Variants in MCCC1 observed in about 807,000 individuals in gnomAD.
MCCC1 encodes the protein methylcrotonyl-CoA carboxylase subunit 1.
MCCC1 carries 64 observed loss-of-function variants against 83.8 expected under a neutral mutation model. The ratio of observed to expected loss-of-function variants is 0.76; its 90% CI spans 0.62 to 0.94. The LOEUF (loss-of-function observed/expected upper bound fraction) is 0.94. Ranked by LOEUF, MCCC1 falls within the 40% of genes least tolerant of loss-of-function variation. The pLI is 0.00. For synonymous variants in MCCC1, 322 were observed against 315.4 expected (o/e 1.02, Z -0.22); for missense variants, 807 against 904.7 (o/e 0.89, Z 1.39).
rs766095348 is a variant in MCCC1 at position 183,071,022 on chromosome 3, G to T, written c.738C>A (p.Ile246=). The T allele has an allele frequency of 3.1e-6, 5 of 1,614,010 alleles. No individual in the cohort carries two copies. The highest frequency in any genetic ancestry group is 4.2e-6 in the Non-Finnish European group (5 of 1,179,984). Reference sequence around the variant, plus strand: ...ACCTCGGTGTGTCTACAAACTTCTCGATCAGCATAGCATCATCATTGAAAG... The same window carrying T: ...ACCTCGGTGTGTCTACAAACTTCTCTATCAGCATAGCATCATCATTGAAAG... The part of the protein sequence containing the change: ...KKSFNDDAML[I]EKFVDTPRHV... The change falls in exon 7 of 19, where the codon ATC becomes ATA. Residue 246 remains isoleucine (I), a synonymous_variant. Coordinates refer to ENST00000265594, the MANE Select transcript of MCCC1 (RefSeq NM_020166.5).
intron 9 of MCCC1, among the ~76,000 whole-genome samples, 200 bp from the exon 10 acceptor site, chr3:183,045,740 G>A (rs541388193): frequency 2.6e-5 from 4 of 152,260 alleles, no homozygotes; most frequent in South Asian, 2.1e-4. Flanking sequence ...ATTTGGCAAC[G>A]GAAAAGTATA....
At position 183,064,368 on chromosome 3, in the gene MCCC1, C is replaced by A. The variant is rs1425703659; in HGVS notation, c.761+6631G>T. Among the ~76,000 whole-genome samples the A allele has an allele frequency of 3.3e-5, 5 of 152,042 alleles. No homozygotes were observed. Among genetic ancestry groups the A allele is most frequent in the African/African-American group, 1.2e-4 (5 of 41,398 alleles). ...ATCATTGTTTTTAGTTGGTAGACAT[C>A]GACAAGTAGGAAAATTTGCGAGGTC... On this transcript the variant is annotated intron_variant, in intron 7 of 18. Coordinates refer to ENST00000265594, the MANE Select transcript of MCCC1 (RefSeq NM_020166.5). This position sits in a 1 kb window ranked among gnomAD's most constrained non-coding sequence, Gnocchi z 4.5.
intron 5 of MCCC1, among the ~76,000 whole-genome samples, 170 bp from the exon 6 acceptor site, chr3:183,071,527 T>G (rs1041737384): frequency 2.0e-5 from 3 of 152,216 alleles, no homozygotes; most frequent in Non-Finnish European, 4.4e-5. Context: ...TTAGTTTCCC[T>G]CATTTCATGT....
intron 4 of MCCC1, among the ~76,000 whole-genome samples, chr3:183,073,661 A>G (rs1220908857): frequency 6.6e-6 from 1 of 152,270 alleles, no homozygotes; most frequent in African/African-American, 2.4e-5. Flanking sequence ...TTTGAGGTGC[A>G]ACAGGAAAAT....
In MCCC1 at chr3:183,017,293, G is replaced by A; in HGVS notation, c.2022C>T (p.Leu674=). ...CCATCTTCATGGCGATCATAACCATGAGGGAATCTCCCGCTTTCACTTTGT... is the reference window on the plus strand; with the variant it reads ...CCATCTTCATGGCGATCATAACCATAAGGGAATCTCCCGCTTTCACTTTGT... The part of the protein sequence containing the change: ...AGDKVKAGDS[L]MVMIAMKMEH... The change falls in exon 18 of 19, where the codon CTC becomes CTT. Residue 674 remains leucine, a synonymous_variant. Coordinates refer to ENST00000265594, the MANE Select transcript of MCCC1 (RefSeq NM_020166.5). The A allele has an allele frequency of 6.2e-7, 1 of 1,613,924 alleles. No homozygotes were observed. The highest frequency in any genetic ancestry group is 1.3e-5 in the African/African-American group (1 of 75,052).
intron 1 of MCCC1, among the ~76,000 whole-genome samples, chr3:183,108,124 G>A (rs934446709): frequency 1.3e-5 from 2 of 152,174 alleles, no homozygotes; most frequent in African/African-American, 4.8e-5. Flanking sequence ...CGCTGACAAG[G>A]AAGAAAAAGT....
In MCCC1 at chr3:183,068,797, A is replaced by G. The variant is rs557104047; in HGVS notation, c.761+2202T>C. On this transcript the variant is annotated intron_variant, in intron 7 of 18. Transcript: ENST00000265594. ...ATGTTTTGAGATGTTTAGATACACA[A>G]ATACTTACCATTGTGTTACAAATGC... Among the ~76,000 whole-genome samples, 10 of 152,354 alleles carry G rather than the reference A, an allele frequency of 6.6e-5. No individual in the cohort carries two copies. The South Asian group carries it at 2.1e-3, about 32-fold the overall frequency.
chr3:183,099,427 G>A lies in MCCC1; in HGVS notation c.14C>T (p.Ser5Phe), dbSNP rs771721641. 1.9e-6 allele frequency: 3 copies of A among 1,605,748 alleles called. No individual in the cohort carries two copies. Among genetic ancestry groups the A allele is most frequent in the South Asian group, 1.1e-5 (1 of 89,868 alleles). ...CGCCACCAGCAGCACCGACACCGCAGAGGCCGCCGCCATGTCCCTGGAGCC... is the reference window on the plus strand; with the variant it reads ...CGCCACCAGCAGCACCGACACCGCAAAGGCCGCCGCCATGTCCCTGGAGCC... MAAA[S>F]AVSVLLVAAE... The change falls in exon 1 of 19, where the codon TCT becomes TTT. Residue 5 changes from serine to phenylalanine, a missense_variant. Transcript: ENST00000265594.
chr3:183,070,074 G>A, intron 7 of MCCC1, among the ~76,000 whole-genome samples: 1 of 152,178 alleles, frequency 6.6e-6, no homozygotes, highest in East Asian at 1.9e-4. Flanking sequence ...GTTGTTGTAA[G>A]AATTATATTA....
At chr3:183,084,775 A>T (rs1481926629) in intron 4 of MCCC1, among the ~76,000 whole-genome samples, 2 of 152,076 alleles carry the variant, frequency 1.3e-5, no homozygotes, top group Non-Finnish European at 2.9e-5. Flanking sequence ...TTAAAAAATC[A>T]GCTGGGCATG....
chr3:183,034,199 C>T, intron 13 of MCCC1, 122 bp from the exon 14 acceptor site: 1 of 711,240 alleles, frequency 1.4e-6, no homozygotes, highest in African/African-American at 1.8e-5. Context: ...GCCTGTAATC[C>T]CAGCACTTTG....
intron 4 of MCCC1, among the ~76,000 whole-genome samples, chr3:183,072,908 GC>G (rs1716805869): frequency 6.6e-6 from 1 of 152,084 alleles, no homozygotes; most frequent in Non-Finnish European, 1.5e-5. Context: ...AATTTCTCTA[GC>G]CAAAGTACCT....
intron 9 of MCCC1, among the ~76,000 whole-genome samples, chr3:183,048,973 T>A (rs1387981853): frequency 6.6e-6 from 1 of 152,230 alleles, no homozygotes; most frequent in Non-Finnish European, 1.5e-5. Context: ...GATATTTGGA[T>A]GTTAAACAAC....
At chr3:183,073,860 G>C (rs994889887) in intron 4 of MCCC1, among the ~76,000 whole-genome samples, 3 of 152,038 alleles carry the variant, frequency 2.0e-5, no homozygotes, top group African/African-American at 4.8e-5. Context: ...TTGCATTTTG[G>C]GGCCATGATT....
rs1271896160 is a variant in MCCC1 at position 183,037,117 on chromosome 3, G to A, written c.1594+101C>T. 2.7e-6 allele frequency: 3 copies of A among 1,100,430 alleles called. No homozygotes were observed. The African/African-American group carries it at 4.6e-5, about 17-fold the overall frequency. The allele number at this position is 1,100,430 out of a possible 1,614,324, so 68.2% of individuals were successfully genotyped here. A position where few individuals can be genotyped will look rare whatever the true frequency, so the allele number is the denominator to read the frequency against. On this transcript the variant is annotated intron_variant, in intron 13 of 18. Transcript: ENST00000265594. ...TGAAAAGAATGGTGTCAGTCACTGA[G>A]AGGAGAAAAGAGAGGTCAGTGTGCC...
chr3:183,057,605 G>A (rs1577306625), intron 7 of MCCC1, among the ~76,000 whole-genome samples, 183 bp from the exon 8 acceptor site: 1 of 152,200 alleles, frequency 6.6e-6, no homozygotes, highest in Admixed American at 6.5e-5. Flanking sequence ...CAGGCCAAAT[G>A]AGACGGCTCA....
Position 183,045,481 on chromosome 3 carries a change from T to C in MCCC1, c.1015A>G (p.Arg339Gly), listed in dbSNP as rs1714480188. ...GTAACAGGATGTTCCACTTGCAGCC[T>C]TGTATTCATCTCCATGAAACAGAAA... is the stretch of plus-strand genomic sequence containing the variant. ...HNFCFMEMNT[R>G]LQVEHPVTEM... Residue 339 changes from arginine to glycine, a missense_variant, in exon 10 of 19, where the codon AGG becomes GGG. Transcript: ENST00000265594. The C allele has an allele frequency of 1.2e-6, 2 of 1,614,036 alleles. No homozygotes were observed. Among genetic ancestry groups the C allele is most frequent in the South Asian group, 2.2e-5 (2 of 91,090 alleles).
chr3:183,042,989 G>T (rs56359767), intron 10 of MCCC1, among the ~76,000 whole-genome samples: 1 of 152,172 alleles, frequency 6.6e-6, no homozygotes, highest in Non-Finnish European at 1.5e-5. Context: ...GTTTTTTAAC[G>T]TTTTAATAAA....
chr3:183,086,776 A>G lies in MCCC1; in HGVS notation c.286T>C (p.Tyr96His), dbSNP rs761930069. 2.0e-5 allele frequency: 33 copies of G among 1,613,972 alleles called. No homozygotes were observed. The Middle Eastern group carries it at 8.2e-4, about 40-fold the overall frequency. The change falls in exon 4 of 19, where the codon TAT becomes CAT. Residue 96 changes from tyrosine (Y) to histidine (H), a missense_variant. Coordinates refer to ENST00000265594, the MANE Select transcript of MCCC1 (RefSeq NM_020166.5). The part of the protein sequence containing the change: ...SMHVDMADEA[Y>H]SIGPAPSQQS... ...TGGGAGGGAGCGGGGCCGATGGAAT[A>G]TGCTTCATCTGCCTGTTTAAGAAAC...
Sources: allele counts gnomAD v4.1 joint callset (sites outside exome capture counted in the v4.1 genomes callset), GRCh38; gene constraint gnomAD v4.1.1; non-coding constraint Gnocchi (gnomAD v3.1); transcripts MANE v1.5; gene names NCBI Gene and HGNC (gene_info 2026-07-23, HGNC 2026-07-21).